Variants in SCMH1 observed in about 807,000 individuals in gnomAD.
SCMH1 encodes the protein Scm polycomb group protein homolog 1.
In SCMH1, 37 loss-of-function variants were observed where a neutral mutation model predicts 70.8. The ratio of observed to expected loss-of-function variants is 0.52; its 90% confidence interval spans 0.40 to 0.69. SCMH1 has a LOEUF of 0.69. Ranked by LOEUF, SCMH1 falls within the 30% of genes least tolerant of loss-of-function variation. The probability of loss-of-function intolerance (pLI) is 0.00; values close to 1 mark genes in which losing one functional copy is unlikely to be tolerated. For missense variants in SCMH1, 607 were observed against 827.3 expected, an observed-to-expected ratio of 0.73 and a Z score of 3.27; for synonymous variants, 292 against 307.4, an observed-to-expected ratio of 0.95 and a Z score of 0.52.
In SCMH1 at chr1:41,180,801, C is replaced by T. The variant is rs371554821; in HGVS notation, c.13+5320G>A. On this transcript the variant is annotated intron_variant, in intron 2 of 14. Coordinates refer to ENST00000337495, the Ensembl canonical transcript of SCMH1. Reference sequence around the variant, plus strand: ...GGTAATTTATAGATTCAATGCCATCCCCAACAAGCTACCAATGACTTTCTC... The same window carrying T: ...GGTAATTTATAGATTCAATGCCATCTCCAACAAGCTACCAATGACTTTCTC... Among the ~76,000 whole-genome samples, 5 of 152,058 alleles carry T rather than the reference C, an allele frequency of 3.3e-5. No homozygotes were observed. The East Asian group carries it at 5.8e-4, about 18-fold the overall frequency.
At chr1:41,235,486 G>T (rs1264198302) in intron 1 of SCMH1, among the ~76,000 whole-genome samples, 1 of 146,750 alleles carries the variant, frequency 6.8e-6, no homozygotes, top group Non-Finnish European at 1.5e-5. Flanking sequence ...CAGGAGAATC[G>T]CTTGAACCCA....
chr1:41,161,192 C>T (rs181815863), intron 3 of SCMH1, among the ~76,000 whole-genome samples, 172 bp downstream of exon 3: 1 of 152,186 alleles, frequency 6.6e-6, no homozygotes, highest in Non-Finnish European at 1.5e-5. Flanking sequence ...TTTCCTATTT[C>T]CAGCTAAAAC....
At position 41,190,381 on chromosome 1, in the gene SCMH1, A is replaced by C. The variant is rs551118872; in HGVS notation, c.-117-4131T>G. On this transcript the variant is annotated intron_variant, in intron 1 of 14. Coordinates refer to ENST00000337495, the Ensembl canonical transcript of SCMH1. ...ATTAGAACCAGTGGGTGGAAGCTAT[A>C]GGTAGATAGACTTCAGCATATTATT... Among the ~76,000 whole-genome samples, 3 of 152,334 alleles carry C rather than the reference A, an allele frequency of 2.0e-5. No individual in the cohort carries two copies. The South Asian group carries it at 6.2e-4, about 32-fold the overall frequency.
intron 12 of SCMH1, among the ~76,000 whole-genome samples, chr1:41,040,910 A>C (rs201351404): frequency 5.7e-4 from 85 of 149,802 alleles, no homozygotes; most frequent in East Asian, 5.4e-3. Flanking sequence ...ACAACAACAA[A>C]AAAAGGAGGG....
At chr1:41,174,754 T>C (rs1274255163) in intron 2 of SCMH1, among the ~76,000 whole-genome samples, 1 of 152,234 alleles carries the variant, frequency 6.6e-6, no homozygotes, top group African/African-American at 2.4e-5. Context: ...CTTTGCTTTC[T>C]TTCCTGTCTT....
chr1:41,121,201 T>C (rs1022882550), intron 6 of SCMH1, among the ~76,000 whole-genome samples: 25 of 151,720 alleles, frequency 1.6e-4, no homozygotes, highest in Non-Finnish European at 2.7e-4. Context: ...CTGCCTGGCA[T>C]ACAGGCAGGA....
At chr1:41,168,542 C>T (rs1447194653) in intron 2 of SCMH1, among the ~76,000 whole-genome samples, 1 of 149,912 alleles carries the variant, frequency 6.7e-6, no homozygotes, top group East Asian at 2.0e-4. Context: ...TTTCATTGTT[C>T]TTTTGACTTC....
At chr1:41,071,031 A>G (rs1275263668) in intron 9 of SCMH1, among the ~76,000 whole-genome samples, 2 of 152,188 alleles carry the variant, frequency 1.3e-5, no homozygotes, top group African/African-American at 4.8e-5. Flanking sequence ...AGACAAAAGC[A>G]AAATATGCCA....
At chr1:41,084,558 A>G (rs1479428724) in intron 8 of SCMH1, among the ~76,000 whole-genome samples, 1 of 152,146 alleles carries the variant, frequency 6.6e-6, no homozygotes, top group South Asian at 2.1e-4. Context: ...CCCTTGTGGA[A>G]GTCAGTGTGG....
At chr1:41,186,059 G>A (rs1476689439) in intron 2 of SCMH1, 62 bp downstream of exon 2, 4 of 1,530,714 alleles carry the variant, frequency 2.6e-6, no homozygotes, top group Non-Finnish European at 3.5e-6. Flanking sequence ...ATTCCTTAAA[G>A]CCAGTCCTTG....
At chr1:41,033,279 C>T (rs1466613030) in intron 13 of SCMH1, among the ~76,000 whole-genome samples, 1 of 146,102 alleles carries the variant, frequency 6.8e-6, no homozygotes, top group East Asian at 2.0e-4. Flanking sequence ...CAGTGAGAGA[C>T]ACTATTAAAA....
At chr1:41,204,229 A>C (rs1655002654) in intron 1 of SCMH1, among the ~76,000 whole-genome samples, 1 of 152,200 alleles carries the variant, frequency 6.6e-6, no homozygotes, top group Non-Finnish European at 1.5e-5. Flanking sequence ...TTTTTCAAGG[A>C]AAACTGGGCT....
At chr1:41,123,285 G>A (rs186741167) in intron 6 of SCMH1, among the ~76,000 whole-genome samples, 16 of 152,296 alleles carry the variant, frequency 1.1e-4, no homozygotes, top group Admixed American at 7.8e-4. Context: ...ATGCCCTCTG[G>A]TGGCAGGTAA....
intron 10 of SCMH1, among the ~76,000 whole-genome samples, chr1:41,051,978 C>T (rs1467565722): frequency 5.3e-5 from 8 of 152,178 alleles, no homozygotes; most frequent in Admixed American, 2.0e-4. Flanking sequence ...GCTCCATTCA[C>T]GGTAAGTACC....
intron 4 of SCMH1, chr1:41,152,513 T>C: frequency 4.3e-6 from 6 of 1,406,268 alleles, no homozygotes; most frequent in Non-Finnish European, 6.0e-6. Context: ...CAGGAACATT[T>C]GATACAGACC....
chr1:41,153,637 G>C (rs1645262401), intron 4 of SCMH1, among the ~76,000 whole-genome samples: 1 of 152,128 alleles, frequency 6.6e-6, no homozygotes, highest in Admixed American at 6.5e-5. Context: ...ATCACTAACT[G>C]GATGAAAAGG....
chr1:41,092,924 G>A (rs2149039687), intron 8 of SCMH1, among the ~76,000 whole-genome samples: 1 of 152,298 alleles, frequency 6.6e-6, no homozygotes, highest in East Asian at 1.9e-4. Flanking sequence ...CACTACTGGT[G>A]GGACTGTAAA....
chr1:41,070,697 G>A (rs760590161), exon 10 of SCMH1: 27 of 1,614,062 alleles, frequency 1.7e-5, no homozygotes, highest in Non-Finnish European at 2.3e-5. Flanking sequence ...GCAGGTGGTG[G>A]GTTCAGCAAA....
rs555314552 is a variant in SCMH1 at position 41,098,655 on chromosome 1, G to T, written c.745+14628C>A. ...TTCACAAGATGGCACTGAAGACAAAGAAGGAAGCTCCTGTCCCTCCCAAAG... is the reference window on the plus strand; with the variant it reads ...TTCACAAGATGGCACTGAAGACAAATAAGGAAGCTCCTGTCCCTCCCAAAG... On this transcript the variant is annotated intron_variant, in intron 8 of 14. Coordinates refer to ENST00000337495, the Ensembl canonical transcript of SCMH1. 49 of 166,852 alleles carry T rather than the reference G, an allele frequency of 2.9e-4. 1 individual carries two copies. The Middle Eastern group carries it at 0.022, about 76-fold the overall frequency. The allele number at this position is 166,852 out of a possible 1,614,324, so 10.3% of individuals were successfully genotyped here.
Sources: gnomAD v4.1 joint callset for allele counts (sites outside exome capture counted in the v4.1 genomes callset) on GRCh38, gnomAD v4.1.1 for gene constraint, MANE v1.5 for transcripts, NCBI Gene and HGNC (gene_info 2026-07-23, HGNC 2026-07-21) for gene names.